Variants in PCNA observed in about 807,000 individuals in gnomAD.
PCNA encodes the protein proliferating cell nuclear antigen.
PCNA carries 4 observed loss-of-function variants against 27.8 expected under a neutral mutation model. The observed-to-expected ratio is 0.14, with a 90% CI of 0.07 to 0.33. PCNA has a LOEUF of 0.33. Among genes scored for constraint, PCNA ranks in the 10% least tolerant of loss-of-function variants. PCNA has a pLI of 1.00. For missense variants in PCNA, 165 were observed against 327.4 expected (o/e 0.50, Z 3.83); for synonymous variants, 121 against 119.4 (o/e 1.01, Z -0.09).
Position 5,117,795 on chromosome 20 carries a change from C to T in PCNA, c.388-131G>A, listed in dbSNP as rs3730426. 1,907 of 563,886 alleles carry T rather than the reference C, an allele frequency of 3.4e-3. 26 individuals carry two copies. The highest frequency in any genetic ancestry group is 0.024 in the African/African-American group (1,216 of 51,730). The allele number at this position is 563,886 out of a possible 1,614,324, so 34.9% of individuals were successfully genotyped here. A position where few individuals can be genotyped will look rare whatever the true frequency, so the allele number is the denominator to read the frequency against. Reference sequence around the variant, plus strand: ...TCTGATTACTTTAAAATATGACTTGCGTAATTTCTTAACAAACTCCACTCA... The same window carrying T: ...TCTGATTACTTTAAAATATGACTTGTGTAATTTCTTAACAAACTCCACTCA... On this transcript the variant is annotated intron_variant, in intron 3 of 5. Transcript: ENST00000379143.
chr20:5,116,402 A>G (rs1415667851), intron 4 of PCNA, among the ~76,000 whole-genome samples: 2 of 152,182 alleles, frequency 1.3e-5, no homozygotes, highest in Non-Finnish European at 2.9e-5. Context: ...AAACAGATAA[A>G]GAATCAGCTC....
chr20:5,117,494 A>G lies in PCNA; in HGVS notation c.558T>C (p.Ser186=), dbSNP rs1384643639. 1 of 1,613,270 alleles carries G rather than the reference A, an allele frequency of 6.2e-7. No homozygotes were observed. The highest frequency in any genetic ancestry group is 8.5e-7 in the Non-Finnish European group (1 of 1,179,610). ...CAGCTTCCTCCTCTTTATCGACATT[A>G]CTTGTCTGTGACAATTTAATGTTTC... ...GNGNIKLSQT[S]NVDKEEEAVT... The change falls in exon 4 of 6, where the codon AGT becomes AGC. Residue 186 remains serine, a synonymous_variant. Transcript: ENST00000379143.
In PCNA at chr20:5,119,702, T is replaced by C. The variant is rs1218001488; in HGVS notation, c.97A>G (p.Ser33Gly). ...INEACWDISS[S>G]GVNLQSMDSS... is the part of the protein sequence containing the mutation. ...TCCATGCTCTGCAGGTTTACACCGC[T>C]GGAGCTAATATCCCAGCAGGCCTCG... Residue 33 changes from serine to glycine, a missense_variant, in exon 1 of 6, where the codon AGC becomes GGC. Physicochemically the swap from Ser to Gly is moderately conservative, Grantham distance 56. Coordinates refer to ENST00000379143, the MANE Select transcript of PCNA (RefSeq NM_182649.2). The C allele has an allele frequency of 6.2e-7, 1 of 1,607,736 alleles. No individual in the cohort carries two copies. Among genetic ancestry groups the C allele is most frequent in the African/African-American group, 1.3e-5 (1 of 74,822 alleles).
upstream of PCNA, among the ~76,000 whole-genome samples, chr20:5,121,184 C>A (rs535594761): frequency 6.6e-6 from 1 of 152,238 alleles, no homozygotes; most frequent in African/African-American, 2.4e-5. Context: ...TTTCTTCACA[C>A]CACTTCTCTT....
At chr20:5,115,410 T>A in intron 5 of PCNA, 39 bp downstream of exon 5, 1 of 1,613,798 alleles carries the variant, frequency 6.2e-7, no homozygotes. Flanking sequence ...GTATCACATA[T>A]GACTACCTAC....
chr20:5,119,469 G>A (rs1471562595), intron 1 of PCNA, 109 bp downstream of exon 1: 5 of 871,890 alleles, frequency 5.7e-6, no homozygotes, highest in East Asian at 5.3e-5. Flanking sequence ...CCAATGAGAA[G>A]GCGCGGATGG....
At chr20:5,121,961 CTT>C (rs10712799), upstream of PCNA, among the ~76,000 whole-genome samples, 2 of 143,520 alleles carry the variant, frequency 1.4e-5, no homozygotes, top group African/African-American at 5.1e-5. Flanking sequence ...CTTAGAATTT[CTT>C]TTTTTTTTTC....
chr20:5,125,839 AC>A (rs1362647870), intron 1 of PCNA, among the ~76,000 whole-genome samples: 1 of 152,228 alleles, frequency 6.6e-6, no homozygotes, highest in African/African-American at 2.4e-5. Flanking sequence ...ACAAGTACTT[AC>A]AATGGATGTG....
chr20:5,119,426 G>T, intron 1 of PCNA, 152 bp downstream of exon 1: 1 of 649,420 alleles, frequency 1.5e-6, no homozygotes, highest in Non-Finnish European at 2.6e-6. Context: ...CGAACCGCGC[G>T]CTCAGCTGGG....
rs758972812 is a variant in PCNA at position 5,119,649 on chromosome 20, G to T, written c.150C>A (p.Leu50=). Residue 50 remains leucine (L), a synonymous_variant, in exon 1 of 6, where the codon CTC becomes CTA. Coordinates refer to ENST00000379143, the MANE Select transcript of PCNA (RefSeq NM_182649.2). ...TGTCGAAGCCCTCAGACCGCAGGGT[G>T]AGCTGCACCAAAGAGACGTGGGACG... is the stretch of plus-strand genomic sequence containing the variant. ...MDSSHVSLVQ[L]TLRSEGFDTY... is the part of the protein sequence containing the mutation. 1.2e-6 allele frequency: 2 copies of T among 1,613,750 alleles called. No homozygotes were observed. Among genetic ancestry groups the T allele is most frequent in the South Asian group, 1.1e-5 (1 of 90,964 alleles).
upstream of PCNA, among the ~76,000 whole-genome samples, chr20:5,121,022 C>T (rs2090514913): frequency 6.6e-6 from 1 of 152,004 alleles, no homozygotes; most frequent in East Asian, 1.9e-4. Context: ...GGGGTTTCAC[C>T]ATGTTGGCCA....
intron 4 of PCNA, 67 bp downstream of exon 4, chr20:5,117,403 A>G (rs2090482598): frequency 9.4e-7 from 1 of 1,062,830 alleles, no homozygotes; most frequent in East Asian, 2.5e-5. Flanking sequence ...TAATTTTAGC[A>G]ATTAACCTAA....
At chr20:5,115,627 G>C in intron 4 of PCNA, 55 bp from the exon 5 acceptor site, 1 of 1,459,996 alleles carries the variant, frequency 6.8e-7, no homozygotes, top group Non-Finnish European at 9.5e-7. Context: ...CAATCTATTA[G>C]CTCATTATAT....
chr20:5,117,424 T>C (rs1230173091), intron 4 of PCNA, 46 bp downstream of exon 4: 1 of 1,345,806 alleles, frequency 7.4e-7, no homozygotes, highest in East Asian at 2.3e-5. Flanking sequence ...TAAGCAGTAT[T>C]ATAATTCTCT....
chr20:5,117,756 C>G (rs1055681829), intron 3 of PCNA, 92 bp from the exon 4 acceptor site: 6 of 676,810 alleles, frequency 8.9e-6, no homozygotes, highest in Admixed American at 8.2e-5. Flanking sequence ...CTAAACAACT[C>G]AGAATCAATA....
chr20:5,117,976 A>G (rs1184244592), intron 3 of PCNA, among the ~76,000 whole-genome samples: 1 of 152,254 alleles, frequency 6.6e-6, no homozygotes, highest in East Asian at 1.9e-4. Context: ...AAGAGAATAT[A>G]TTAGGCATTT....
At chr20:5,122,005 A>G (rs572357874), upstream of PCNA, among the ~76,000 whole-genome samples, 241 of 134,196 alleles carry the variant, frequency 1.8e-3, no homozygotes, top group Non-Finnish European at 2.1e-3. Context: ...TTTCTGAGAC[A>G]GAGTCTCACT....
intron 4 of PCNA, 39 bp downstream of exon 4, chr20:5,117,414 TAAGCAGTATTATAATTC>T (rs2090482734): frequency 8.5e-7 from 1 of 1,172,782 alleles, no homozygotes; most frequent in South Asian, 1.5e-5. Context: ...ATTAACCTAA[TAAGCAGTATTATAATTC>T]TCTTCAAACT....
upstream of PCNA, chr20:5,119,959 G>A: frequency 1.6e-6 from 1 of 626,274 alleles, no homozygotes; most frequent in Non-Finnish European, 2.8e-6. Context: ...ACCGTTTAAT[G>A]CCGCCGCGTC....
Sources: allele counts gnomAD v4.1 joint callset (sites outside exome capture counted in the v4.1 genomes callset), GRCh38; gene constraint gnomAD v4.1.1; transcripts MANE v1.5; gene names NCBI Gene and HGNC (gene_info 2026-07-23, HGNC 2026-07-21).